SNX7: variants seen among roughly 807,000 people sequenced by gnomAD.
SNX7 encodes the protein sorting nexin-7.
SNX7 carries 35 observed loss-of-function variants against 48.4 expected under a neutral mutation model. The ratio of observed to expected loss-of-function variants is 0.72; its 90% CI spans 0.55 to 0.96. The LOEUF (loss-of-function observed/expected upper bound fraction) is 0.96. Among genes scored for constraint, SNX7 ranks in the 40% least tolerant of loss-of-function variants. The pLI is 0.00. For synonymous variants in SNX7, 190 were observed against 190.2 expected (o/e 1.00, Z 0.01); for missense variants, 553 against 548.9 (o/e 1.01, Z -0.07).
intron 7 of SNX7, among the ~76,000 whole-genome samples, chr1:98,725,207 A>C (rs1653101001): frequency 6.6e-6 from 1 of 152,192 alleles, no homozygotes; most frequent in Admixed American, 6.5e-5. Context: ...AAAATGGTTT[A>C]ATCTCTGTAA....
chr1:98,715,910 C>G lies in SNX7; in HGVS notation c.1125+14007C>G, dbSNP rs981119739. Among the ~76,000 whole-genome samples, 14 of 151,960 alleles carry G rather than the reference C, an allele frequency of 9.2e-5. 1 individual carries two copies. Among genetic ancestry groups the G allele is most frequent in the African/African-American group, 3.4e-4 (14 of 41,392 alleles). ...GAGCTAGGGAGTATGTCTGTTTAATCATATTCACACACACACACACACGTT... is the reference window on the plus strand; with the variant it reads ...GAGCTAGGGAGTATGTCTGTTTAATGATATTCACACACACACACACACGTT... On this transcript the variant is annotated intron_variant, in intron 7 of 8. Coordinates refer to ENST00000306121, the MANE Select transcript of SNX7 (RefSeq NM_015976.5).
intron 7 of SNX7, among the ~76,000 whole-genome samples, chr1:98,719,417 G>A (rs977766362): frequency 6.6e-6 from 1 of 152,052 alleles, no homozygotes; most frequent in Non-Finnish European, 1.5e-5. Context: ...GTGAAAAATG[G>A]TATCCCCTTG....
intron 1 of SNX7, 30 bp from the exon 2 acceptor site, chr1:98,684,855 A>T (rs1287704368): frequency 1.4e-6 from 2 of 1,419,382 alleles, no homozygotes; most frequent in Non-Finnish European, 1.9e-6. Context: ...TTTTCTATTG[A>T]TACTAATTTT....
chr1:98,744,555 A>G (rs1370064605), intron 8 of SNX7, among the ~76,000 whole-genome samples: 1 of 152,058 alleles, frequency 6.6e-6, no homozygotes, highest in African/African-American at 2.4e-5. Flanking sequence ...TTAGGAATTA[A>G]TATGTTACCA....
At chr1:98,740,219 A>G (rs1221321447) in intron 8 of SNX7, among the ~76,000 whole-genome samples, 1 of 152,166 alleles carries the variant, frequency 6.6e-6, no homozygotes, top group African/African-American at 2.4e-5. Context: ...TGAATGATAT[A>G]AAGTATTTCT....
upstream of SNX7, chr1:98,661,629 G>A: frequency 9.6e-7 from 1 of 1,038,728 alleles, no homozygotes; most frequent in Non-Finnish European, 1.2e-6. Flanking sequence ...GGGCTGGAGC[G>A]GGGCCGGCCG....
chr1:98,679,485 C>T (rs1238582660), intron 1 of SNX7, among the ~76,000 whole-genome samples: 3 of 152,136 alleles, frequency 2.0e-5, no homozygotes, highest in Non-Finnish European at 4.4e-5. Context: ...AGTTTCATCT[C>T]ATTTCAGCAT....
intron 8 of SNX7, among the ~76,000 whole-genome samples, chr1:98,756,898 C>T (rs1032473891): frequency 6.6e-6 from 1 of 152,166 alleles, no homozygotes; most frequent in African/African-American, 2.4e-5. Context: ...ATGTCATCCG[C>T]AGTGTTGGAG....
intron 4 of SNX7, among the ~76,000 whole-genome samples, chr1:98,692,420 A>G (rs1165301810): frequency 1.3e-5 from 2 of 152,132 alleles, no homozygotes; most frequent in Non-Finnish European, 2.9e-5. Context: ...GTACTTAGCA[A>G]GCAATTCAAC....
chr1:98,707,290 CA>C (rs1361861067), intron 7 of SNX7, among the ~76,000 whole-genome samples: 3 of 151,892 alleles, frequency 2.0e-5, no homozygotes, highest in African/African-American at 7.3e-5. Context: ...TGAGGCATTT[CA>C]AAAAATAATT....
rs760190415 is a variant in SNX7, at chr1:98,695,546, C to G, written c.668C>G (p.Pro223Arg). 1.9e-6 allele frequency: 3 copies of G among 1,614,062 alleles called. No individual in the cohort carries two copies. Among genetic ancestry groups the G allele is most frequent in the East Asian group, 2.2e-5 (1 of 44,870 alleles). The change falls in exon 5 of 9, where the codon CCT (proline) becomes CGT (arginine). Residue 223 changes from proline (P) to arginine (R), a missense_variant. Pro to Arg is a moderately radical substitution (Grantham distance 103, BLOSUM62 -2). Coordinates refer to ENST00000306121, the MANE Select transcript of SNX7 (RefSeq NM_015976.5). ...WELSSHKKQG[P>R]GLLSRMGQTV... Reference sequence around the variant, plus strand: ...CTCTCTTCTCACAAGAAGCAAGGTCCTGGCTTGCTAAGCAGGATGGGGCAA... The same window carrying G: ...CTCTCTTCTCACAAGAAGCAAGGTCGTGGCTTGCTAAGCAGGATGGGGCAA...
chr1:98,662,112 A>T (rs1425949763), intron 1 of SNX7: 12 of 430,144 alleles, frequency 2.8e-5, no homozygotes, highest in African/African-American at 2.4e-4. Context: ...GGGGCCTCAA[A>T]CCGCAGCCGC....
intron 8 of SNX7, among the ~76,000 whole-genome samples, chr1:98,749,333 C>T (rs1367491675): frequency 6.6e-6 from 1 of 151,928 alleles, no homozygotes; most frequent in Non-Finnish European, 1.5e-5. Flanking sequence ...AAAAATGGAC[C>T]ACAAGATGGC....
Position 98,691,575 on chromosome 1 carries a change from G to T in SNX7, c.515G>T (p.Arg172Leu), listed in dbSNP as rs1018299385. 2 of 1,605,458 alleles carry T rather than the reference G, an allele frequency of 1.2e-6. No individual in the cohort carries two copies. Among genetic ancestry groups the T allele is most frequent in the African/African-American group, 2.7e-5 (2 of 74,296 alleles). Residue 172 changes from arginine (R) to leucine (L), a missense_variant, in exon 4 of 9, where the codon CGC becomes CTC. Physicochemically the swap from Arg to Leu is moderately radical, Grantham distance 102. Transcript: ENST00000306121. ...EKFIVKGMVE[R>L]FNDDFIETRR... ...TTTATAGTAAAAGGAATGGTGGAAC[G>T]CTTTAACGATGACTTCATTGAGACA...
chr1:98,699,969 C>T (rs1306612692), intron 6 of SNX7, among the ~76,000 whole-genome samples: 1 of 152,150 alleles, frequency 6.6e-6, no homozygotes, highest in Non-Finnish European at 1.5e-5. Context: ...TTTGGTTTCA[C>T]TTCATTATTG....
At chr1:98,730,046 A>T (rs1379630997) in intron 7 of SNX7, among the ~76,000 whole-genome samples, 1 of 152,182 alleles carries the variant, frequency 6.6e-6, no homozygotes, top group African/African-American at 2.4e-5. Flanking sequence ...CAGCACATCA[A>T]AAAGCTTATC....
At chr1:98,757,843 A>C (rs573841474) in intron 8 of SNX7, among the ~76,000 whole-genome samples, 1 of 152,110 alleles carries the variant, frequency 6.6e-6, no homozygotes, top group African/African-American at 2.4e-5. Context: ...ACTACACTAT[A>C]CTTCCTCACA....
chr1:98,737,136 A>G (rs1653822092), intron 7 of SNX7, among the ~76,000 whole-genome samples: 1 of 151,166 alleles, frequency 6.6e-6, no homozygotes. Context: ...TAAATCACCT[A>G]GGCATGCTTC....
intron 6 of SNX7, among the ~76,000 whole-genome samples, chr1:98,699,855 T>C (rs941686325): frequency 6.6e-6 from 1 of 152,204 alleles, no homozygotes; most frequent in African/African-American, 2.4e-5. Context: ...CTTAACTTTA[T>C]TGGAGTCCTC....
Sources: gnomAD v4.1 joint callset for allele counts (sites outside exome capture counted in the v4.1 genomes callset) on GRCh38, gnomAD v4.1.1 for gene constraint, MANE v1.5 for transcripts, NCBI Gene and HGNC (gene_info 2026-07-23, HGNC 2026-07-21) for gene names.